Variants in FRMD6 observed in about 807,000 individuals in gnomAD.
FRMD6 encodes the protein FERM domain containing 6, also known as FERM domain-containing protein 6.
A neutral mutation model predicts 73.2 loss-of-function variants in FRMD6; 37 were observed. The ratio of observed to expected loss-of-function variants is 0.51; its 90% CI spans 0.39 to 0.66. The LOEUF is 0.66. Ranked by LOEUF, FRMD6 falls within the 30% of genes least tolerant of loss-of-function variation. The probability of loss-of-function intolerance (pLI) is 0.00; values close to 1 mark genes in which losing one functional copy is unlikely to be tolerated. For missense variants in FRMD6, 714 were observed against 780.5 expected, an observed-to-expected ratio of 0.91 and a Z score of 1.02; for synonymous variants, 273 against 282.2, an observed-to-expected ratio of 0.97 and a Z score of 0.33.
chr14:51,624,362 C>T (rs1316426077), intron 2 of FRMD6, among the ~76,000 whole-genome samples: 1 of 152,038 alleles, frequency 6.6e-6, no homozygotes, highest in East Asian at 1.9e-4. Flanking sequence ...CTGTTGTTTC[C>T]TAGCTTAGAC....
At chr14:51,485,319 T>C (rs1019293692), upstream of FRMD6, among the ~76,000 whole-genome samples, 2 of 152,226 alleles carry the variant, frequency 1.3e-5, no homozygotes. Context: ...CTTCTCTTCT[T>C]AGAAGAAAAC....
intron 1 of FRMD6, among the ~76,000 whole-genome samples, chr14:51,500,807 CAT>C (rs1883579728): frequency 6.6e-6 from 1 of 152,062 alleles, no homozygotes; most frequent in Admixed American, 6.5e-5. Flanking sequence ...GTGTGAGTCA[CAT>C]GTAGCTTAAG....
At chr14:51,424,553 G>A in the FRMD6 span, among the ~76,000 whole-genome samples, 1 of 152,206 alleles carries the variant, frequency 6.6e-6, no homozygotes, top group South Asian at 2.1e-4. Context: ...TTAGCCTCCT[G>A]TGGATACCCA....
chr14:51,675,855 CT>C (rs1894354914), intron 1 of FRMD6, among the ~76,000 whole-genome samples: 1 of 152,072 alleles, frequency 6.6e-6, no homozygotes, highest in African/African-American at 2.4e-5. Context: ...ACAACATAAT[CT>C]TATCCCCATA....
At chr14:51,555,511 G>T (rs1887077784) in intron 1 of FRMD6, among the ~76,000 whole-genome samples, 1 of 152,078 alleles carries the variant, frequency 6.6e-6, no homozygotes, top group South Asian at 2.1e-4. Context: ...GGTTAAAAAG[G>T]CACCCCATAG....
upstream of FRMD6, among the ~76,000 whole-genome samples, chr14:51,484,740 C>A (rs368473931): frequency 6.6e-6 from 1 of 152,202 alleles, no homozygotes; most frequent in African/African-American, 2.4e-5. Flanking sequence ...TTTAGCTTTC[C>A]GGCCTGTGAA....
chr14:51,550,786 A>G (rs1490299743), intron 1 of FRMD6, among the ~76,000 whole-genome samples: 1 of 152,216 alleles, frequency 6.6e-6, no homozygotes, highest in East Asian at 1.9e-4. Context: ...AGTGCGTGAC[A>G]GGGAGTCAGC....
At chr14:51,512,664 A>G (rs1884383138) in intron 1 of FRMD6, among the ~76,000 whole-genome samples, 1 of 152,112 alleles carries the variant, frequency 6.6e-6, no homozygotes, top group Non-Finnish European at 1.5e-5. Flanking sequence ...AGTCTGGGAC[A>G]CAGCACAAAT....
intron 2 of FRMD6, among the ~76,000 whole-genome samples, chr14:51,631,048 G>T (rs1192558419): frequency 6.6e-6 from 1 of 152,052 alleles, no homozygotes; most frequent in Non-Finnish European, 1.5e-5. Flanking sequence ...ACCAAGAAAG[G>T]ATTGCTCATT....
In FRMD6 at chr14:51,729,121, A is replaced by G. The variant is rs1042844009; in HGVS notation, c.*1092A>G. On this transcript the variant is annotated 3_prime_UTR_variant, in exon 14 of 14. Coordinates refer to ENST00000344768, the MANE Select transcript of FRMD6 (RefSeq NM_001267046.2). ...ACTGTTTTCTCATGTGCCTTTGGCC[A>G]TGATTCTCAACACTGATTGTATAAC... 1 of 152,214 alleles carries G rather than the reference A, an allele frequency of 6.6e-6. No homozygotes were observed. The highest frequency in any genetic ancestry group is 6.5e-5 in the Admixed American group (1 of 15,272). The allele number at this position is 152,214 out of a possible 1,614,324, so 9.4% of individuals were successfully genotyped here.
chr14:51,583,306 G>GGTTT (rs1016112109), intron 2 of FRMD6, among the ~76,000 whole-genome samples: 61 of 152,262 alleles, frequency 4.0e-4, no homozygotes, highest in African/African-American at 1.2e-3. Context: ...GTTTAGAATA[G>GGTTT]GTTTGTTTGT....
chr14:51,417,248 C>G, the FRMD6 span, among the ~76,000 whole-genome samples: 1 of 152,180 alleles, frequency 6.6e-6, no homozygotes, highest in Non-Finnish European at 1.5e-5. Flanking sequence ...TTCCTAGCAT[C>G]AGTGGTCTTT....
At chr14:51,506,537 T>C (rs907156401) in intron 1 of FRMD6, among the ~76,000 whole-genome samples, 1 of 152,222 alleles carries the variant, frequency 6.6e-6, no homozygotes, top group Non-Finnish European at 1.5e-5. Context: ...AGACTCATAG[T>C]GCCCAGTGTT....
the FRMD6 span, among the ~76,000 whole-genome samples, chr14:51,419,938 C>T: frequency 3.9e-3 from 506 of 130,540 alleles, 2 homozygotes; most frequent in East Asian, 7.8e-3. Context: ...TTCCTGCCCT[C>T]GTTAGGTGTG....
upstream of FRMD6, among the ~76,000 whole-genome samples, chr14:51,485,954 C>A (rs1487610451): frequency 1.3e-5 from 2 of 151,986 alleles, no homozygotes; most frequent in Non-Finnish European, 2.9e-5. Flanking sequence ...GAATCCCAGA[C>A]CTGATTGTTG....
At chr14:51,650,656 A>G (rs1158279249), upstream of FRMD6, 1 of 150,844 alleles carries the variant, frequency 6.6e-6, no homozygotes, top group Admixed American at 6.6e-5. Context: ...CGGCCTCCCA[A>G]AGTGCTGGGA....
chr14:51,647,835 A>T (rs1022500361), upstream of FRMD6, among the ~76,000 whole-genome samples: 4 of 152,064 alleles, frequency 2.6e-5, no homozygotes, highest in African/African-American at 9.7e-5. Flanking sequence ...TTAATTAATT[A>T]ATTTATTGAG....
At chr14:51,535,609 TG>T (rs954815038) in intron 1 of FRMD6, among the ~76,000 whole-genome samples, 1 of 152,270 alleles carries the variant, frequency 6.6e-6, no homozygotes, top group African/African-American at 2.4e-5. Flanking sequence ...TACCACATTT[TG>T]TTGATCCATT....
the FRMD6 span, among the ~76,000 whole-genome samples, chr14:51,472,538 C>T: frequency 2.0e-5 from 3 of 152,146 alleles, no homozygotes; most frequent in African/African-American, 4.8e-5. Flanking sequence ...CTCCTGACCT[C>T]GTGATCTGCC....
Sources: allele counts gnomAD v4.1 joint callset (sites outside exome capture counted in the v4.1 genomes callset), GRCh38; gene constraint gnomAD v4.1.1; transcripts MANE v1.5; gene names NCBI Gene and HGNC (gene_info 2026-07-23, HGNC 2026-07-21).